The following CCDC3 variants were observed in gnomAD, a reference collection of about 807,000 sequenced individuals.
The protein encoded by CCDC3 is coiled-coil domain containing 3.
CCDC3 carries 24 observed loss-of-function variants against 21.4 expected under a neutral mutation model. The ratio of observed to expected loss-of-function variants is 1.12; its 90% CI spans 0.81 to 1.58. The LOEUF is 1.58. Among genes scored for constraint, CCDC3 ranks in the 40% most tolerant of loss-of-function variants. CCDC3 has a pLI of 0.00. For missense variants in CCDC3, 425 were observed against 360.9 expected, an observed-to-expected ratio of 1.18 and a Z score of -1.44; for synonymous variants, 186 against 166.0, an observed-to-expected ratio of 1.12 and a Z score of -0.93.
At chr10:13,021,304 A>C (rs1836141595) in intron 5 of CCDC3, among the ~76,000 whole-genome samples, 1 of 152,214 alleles carries the variant, frequency 6.6e-6, no homozygotes. Context: ...TATCAATCAC[A>C]GCTTAATCTT....
At chr10:12,919,585 C>CT (rs1460587419) in intron 2 of CCDC3, among the ~76,000 whole-genome samples, 91 of 21,750 alleles carry the variant, frequency 4.2e-3, no homozygotes, top group African/African-American at 0.013. Flanking sequence ...GCAAGACTGT[C>CT]TAAAAAAAAA....
intron 2 of CCDC3, among the ~76,000 whole-genome samples, chr10:12,938,902 G>A (rs928340): frequency 0.38 from 58,306 of 151,882 alleles, 11,438 homozygotes; most frequent in South Asian, 0.6. Context: ...CCTCACCTGC[G>A]TTCTGGTCCA....
rs530476986 is a variant in CCDC3 at position 12,900,583 on chromosome 10, C to G, written c.550-1904G>C. Among the ~76,000 whole-genome samples, 858 of 140,500 alleles carry G rather than the reference C, an allele frequency of 6.1e-3. 11 individuals are homozygous for G. Among genetic ancestry groups the G allele is most frequent in the African/African-American group, 0.021 (812 of 37,768 alleles). 92.2% of individuals were successfully genotyped at this position (140,500 alleles called of 152,430 possible). A position where few individuals can be genotyped will look rare whatever the true frequency, so the allele number is the denominator to read the frequency against. On this transcript the variant is annotated intron_variant, in intron 2 of 2. Coordinates refer to ENST00000378825, the MANE Select transcript of CCDC3 (RefSeq NM_031455.4). ...GCGGGTGCCTGTAGTCCCAGCTACT[C>G]GGGAGGCTGAGGCAGGAGAATGGCG...
chr10:13,058,186 C>T lies in CCDC3; in HGVS notation c.-269-8245G>A. ...TAGACAAGCCTCCATCCACAGCTCC[C>T]TTCAGGGTGCCAAAAACTTGATTGC... On this transcript the variant is annotated intron_variant, in intron 4 of 6. Coordinates refer to the CCDC3 transcript ENST00000378839. The T allele has an allele frequency of 2.6e-6, 3 of 1,137,378 alleles. No individual in the cohort carries two copies. The South Asian group carries it at 3.7e-5, about 14-fold the overall frequency. The allele number at this position is 1,137,378 out of a possible 1,614,324, so 70.5% of individuals were successfully genotyped here.
intron 2 of CCDC3, among the ~76,000 whole-genome samples, chr10:12,916,834 C>T (rs1409745299): frequency 6.6e-6 from 1 of 152,232 alleles, no homozygotes; most frequent in African/African-American, 2.4e-5. Flanking sequence ...CTGCAGGGGC[C>T]TGTCTGGTGC....
Position 13,039,354 on chromosome 10 carries a change from C to T in CCDC3, c.-2+10320G>A, listed in dbSNP as rs902536549. Among the ~76,000 whole-genome samples, 3 of 150,964 alleles carry T rather than the reference C, an allele frequency of 2.0e-5. No homozygotes were observed. In the South Asian group the frequency reaches 6.3e-4, roughly 32 times the overall value. ...AGGAGAACCACTTGAACCTGGGAGG[C>T]GGAGGTTTCAGTGAACTGAGATCGT... On this transcript the variant is annotated intron_variant, in intron 5 of 6. Transcript: ENST00000378839.
At chr10:13,048,955 G>A (rs1472185154) in intron 5 of CCDC3, among the ~76,000 whole-genome samples, 4 of 152,010 alleles carry the variant, frequency 2.6e-5, no homozygotes, top group African/African-American at 9.7e-5. Context: ...CCAAGAGTTG[G>A]CTACATAGTC....
At position 13,001,376 on chromosome 10, in the gene CCDC3, C is replaced by T; in HGVS notation, c.195G>A (p.Gln65=). The T allele has an allele frequency of 6.3e-7, 1 of 1,591,236 alleles. No homozygotes were observed. The highest frequency in any genetic ancestry group is 1.1e-5 in the South Asian group (1 of 87,050). ...AGAGGCCCCCCTGGCCGGCGTGGTA[C>T]TGCCAGGGCAGGTGGTTGTAGAGGC... ...APGLYNHLPW[Q]YHAGQGGLFY... Residue 65 remains glutamine, a synonymous_variant, in exon 1 of 3, where the codon CAG becomes CAA. Coordinates refer to ENST00000378825, the MANE Select transcript of CCDC3 (RefSeq NM_031455.4).
intron 2 of CCDC3, among the ~76,000 whole-genome samples, chr10:12,974,893 T>C (rs1564304816): frequency 6.6e-6 from 1 of 152,236 alleles, no homozygotes; most frequent in Non-Finnish European, 1.5e-5. Flanking sequence ...TAATATTTTT[T>C]GAGAACCCAC....
intron 3 of CCDC3, among the ~76,000 whole-genome samples, chr10:13,083,049 T>C (rs910962400): frequency 1.3e-5 from 2 of 152,134 alleles, no homozygotes; most frequent in African/African-American, 2.4e-5. Context: ...AAGACCAATT[T>C]TACCTCATTT....
At chr10:13,058,893 G>T (rs1392430501) in intron 4 of CCDC3, among the ~76,000 whole-genome samples, 1 of 152,134 alleles carries the variant, frequency 6.6e-6, no homozygotes, top group Non-Finnish European at 1.5e-5. Context: ...CATACACTAC[G>T]GCGCATCCAT....
At chr10:13,083,932 G>C (rs1262809102) in intron 3 of CCDC3, among the ~76,000 whole-genome samples, 1 of 152,180 alleles carries the variant, frequency 6.6e-6, no homozygotes, top group African/African-American at 2.4e-5. Flanking sequence ...ACCTTGCTGA[G>C]AAAACTTTTT....
chr10:12,896,719 A>T lies in CCDC3; in HGVS notation c.*1697T>A, dbSNP rs1564273493. 3 of 152,776 alleles carry T rather than the reference A, an allele frequency of 2.0e-5. No individual in the cohort carries two copies. Among genetic ancestry groups the T allele is most frequent in the Admixed American group, 1.3e-4 (2 of 15,292 alleles). 9.5% of individuals were successfully genotyped at this position (152,776 alleles called of 1,614,324 possible). Reference sequence around the variant, plus strand: ...CCATGGTTCTCCAAGCACGGGCTGTACATTACCCTTAGGCTGACCATTCCC... The same window carrying T: ...CCATGGTTCTCCAAGCACGGGCTGTTCATTACCCTTAGGCTGACCATTCCC... On this transcript the variant is annotated 3_prime_UTR_variant, in exon 3 of 3. Transcript: ENST00000378825.
At chr10:12,935,668 A>ATTT (rs369781761) in intron 2 of CCDC3, among the ~76,000 whole-genome samples, 2 of 140,916 alleles carry the variant, frequency 1.4e-5, no homozygotes, top group Admixed American at 7.2e-5. Context: ...ATCCAAGTAC[A>ATTT]TTTTTTTTTT....
At chr10:12,971,155 T>C (rs1003577669) in intron 2 of CCDC3, among the ~76,000 whole-genome samples, 14 of 152,126 alleles carry the variant, frequency 9.2e-5, no homozygotes, top group Admixed American at 6.5e-4. Context: ...TCCCTCCCTG[T>C]CCCCAGGGAC....
intron 3 of CCDC3, among the ~76,000 whole-genome samples, chr10:13,081,311 G>T (rs1837037057): frequency 6.6e-6 from 1 of 151,972 alleles, no homozygotes; most frequent in Non-Finnish European, 1.5e-5. Flanking sequence ...AAGTCTTTTA[G>T]CACAGGTACC....
intron 5 of CCDC3, among the ~76,000 whole-genome samples, chr10:13,031,864 A>G (rs1836308903): frequency 6.6e-6 from 1 of 152,224 alleles, no homozygotes; most frequent in Non-Finnish European, 1.5e-5. Context: ...CTACCAATGA[A>G]AAAAAGTCCA....
At chr10:12,957,272 C>T (rs574521042) in intron 2 of CCDC3, among the ~76,000 whole-genome samples, 21 of 152,274 alleles carry the variant, frequency 1.4e-4, no homozygotes, top group African/African-American at 4.8e-4. Context: ...CCTTTTAAGA[C>T]ACCCAGTCAC....
At chr10:13,063,912 GT>G in intron 4 of CCDC3, among the ~76,000 whole-genome samples, 1 of 150,718 alleles carries the variant, frequency 6.6e-6, no homozygotes, top group African/African-American at 2.4e-5. Flanking sequence ...AGTGTGAGTC[GT>G]TTTTTTTTGT....
Sources: gnomAD v4.1 joint callset for allele counts (sites outside exome capture counted in the v4.1 genomes callset) on GRCh38, gnomAD v4.1.1 for gene constraint, MANE v1.5 for transcripts, NCBI Gene and HGNC (gene_info 2026-07-23, HGNC 2026-07-21) for gene names.